The following KLRG2 variants were observed in gnomAD, a reference collection of about 807,000 sequenced individuals.
KLRG2 encodes the protein killer cell lectin like receptor G2, also known as killer cell lectin-like receptor subfamily G member 2.
Under a neutral mutation model 35.4 loss-of-function variants are expected in KLRG2, and 39 were observed. The observed-to-expected ratio is 1.10, with a 90% CI of 0.85 to 1.44. The LOEUF (loss-of-function observed/expected upper bound fraction) is 1.44, where lower values mean the gene tolerates loss of function less well. Among genes scored for constraint, KLRG2 ranks in the 40% most tolerant of loss-of-function variants. The probability of loss-of-function intolerance (pLI) is 0.00; values close to 1 mark genes in which losing one functional copy is unlikely to be tolerated. For synonymous variants in KLRG2, 283 were observed against 265.8 expected, an observed-to-expected ratio of 1.06 and a Z score of -0.63; for missense variants, 632 against 570.9, an observed-to-expected ratio of 1.11 and a Z score of -1.09.
intron 3 of KLRG2, among the ~76,000 whole-genome samples, chr7:139,460,158 T>A (rs1796544536): frequency 6.6e-6 from 1 of 151,266 alleles, no homozygotes; most frequent in East Asian, 2.0e-4. Flanking sequence ...AGTGTTGGGA[T>A]TACAGGCATG....
At chr7:139,462,114 T>C (rs973551165) in intron 3 of KLRG2, among the ~76,000 whole-genome samples, 3 of 152,208 alleles carry the variant, frequency 2.0e-5, no homozygotes, top group African/African-American at 7.2e-5. Flanking sequence ...TTTCCTTTTC[T>C]GGTAGAGACA....
the KLRG2 span, among the ~76,000 whole-genome samples, chr7:139,432,399 G>T: frequency 6.6e-6 from 1 of 152,198 alleles, no homozygotes; most frequent in Non-Finnish European, 1.5e-5. Context: ...GCCTAGTCTC[G>T]CTGTAAACTG....
At chr7:139,452,684 G>C (rs1796393691), downstream of KLRG2, 1 of 152,258 alleles carries the variant, frequency 6.6e-6, no homozygotes, top group African/African-American at 2.4e-5. Flanking sequence ...GGTCTAGCTG[G>C]ACTCAAGGAA....
the KLRG2 span, among the ~76,000 whole-genome samples, chr7:139,429,689 G>T: frequency 2.6e-5 from 4 of 152,160 alleles, no homozygotes; most frequent in African/African-American, 9.6e-5. Flanking sequence ...CAGGGTTGGG[G>T]GTAAGGTCAC....
chr7:139,432,182 C>CTA, the KLRG2 span, among the ~76,000 whole-genome samples: 1 of 151,978 alleles, frequency 6.6e-6, no homozygotes, highest in Admixed American at 6.6e-5. Context: ...AAAGGGAGAT[C>CTA]CTGTCTCTAC....
At chr7:139,441,285 T>C in the KLRG2 span, among the ~76,000 whole-genome samples, 2 of 152,140 alleles carry the variant, frequency 1.3e-5, no homozygotes, top group African/African-American at 4.8e-5. Flanking sequence ...TGGAATACTA[T>C]GTAGCCATAA....
chr7:139,464,371 A>G (rs769808295), intron 3 of KLRG2, among the ~76,000 whole-genome samples: 13 of 152,060 alleles, frequency 8.5e-5, no homozygotes, highest in Non-Finnish European at 1.9e-4. Flanking sequence ...CAATTCCCCC[A>G]TTTTACCTGT....
intron 3 of KLRG2, among the ~76,000 whole-genome samples, chr7:139,460,037 C>A (rs6965509): frequency 0.37 from 55,992 of 151,946 alleles, 13,483 homozygotes; most frequent in African/African-American, 0.69. Context: ...GGTGTGAGCC[C>A]CCGCGCCTGG....
intron 3 of KLRG2, among the ~76,000 whole-genome samples, chr7:139,457,388 A>G (rs1360823620): frequency 6.6e-6 from 1 of 152,168 alleles, no homozygotes; most frequent in Non-Finnish European, 1.5e-5. Context: ...AGATGGAGCC[A>G]GGCTACCCCA....
At chr7:139,482,495 C>T (rs1016069359) in intron 1 of KLRG2, among the ~76,000 whole-genome samples, 1 of 151,940 alleles carries the variant, frequency 6.6e-6, no homozygotes, top group Non-Finnish European at 1.5e-5. Flanking sequence ...CGGGTTCAAG[C>T]GACTCTCCTG....
rs1414393590 is a variant in KLRG2, at chr7:139,483,418, G to A, written c.225C>T (p.Pro75=). Residue 75 remains proline, a synonymous_variant, in exon 1 of 5, where the codon CCC becomes CCT. Coordinates refer to ENST00000340940, the MANE Select transcript of KLRG2 (RefSeq NM_198508.4). ...SSKKKPPSPR[P]GSPRVPPLSL... is the part of the protein sequence containing the mutation. ...TGAGCGGCGGCACGCGCGGGGACCC[G>A]GGGCGAGGCGAAGGCGGCTTTTTCT... 4 of 1,552,842 alleles carry A rather than the reference G, an allele frequency of 2.6e-6. No individual in the cohort carries two copies. The highest frequency in any genetic ancestry group is 3.4e-6 in the Non-Finnish European group (4 of 1,161,520).
the KLRG2 span, among the ~76,000 whole-genome samples, chr7:139,436,869 G>A: frequency 1.3e-5 from 2 of 152,178 alleles, no homozygotes; most frequent in Non-Finnish European, 1.5e-5. Flanking sequence ...TGTTGGCTAC[G>A]ACACTGCCAG....
chr7:139,455,856 C>T (rs1796469851), intron 3 of KLRG2, among the ~76,000 whole-genome samples: 1 of 152,080 alleles, frequency 6.6e-6, no homozygotes, highest in Non-Finnish European at 1.5e-5. Context: ...TAACACGGTG[C>T]TATTTGTGAA....
At chr7:139,428,395 C>T in the KLRG2 span, among the ~76,000 whole-genome samples, 1 of 152,096 alleles carries the variant, frequency 6.6e-6, no homozygotes, top group Non-Finnish European at 1.5e-5. Context: ...ACCCACCACC[C>T]TCCCACTCAG....
the KLRG2 span, among the ~76,000 whole-genome samples, chr7:139,446,206 G>A: frequency 6.6e-6 from 1 of 152,114 alleles, no homozygotes; most frequent in East Asian, 1.9e-4. Context: ...TCAAAACAAT[G>A]CAAAATTTGT....
At chr7:139,466,927 T>C (rs986023783) in intron 3 of KLRG2, among the ~76,000 whole-genome samples, 4 of 152,122 alleles carry the variant, frequency 2.6e-5, no homozygotes, top group African/African-American at 7.2e-5. Context: ...CACTCTCTAA[T>C]TGGATGTCCT....
chr7:139,453,971 C>T (rs1187621356), intron 4 of KLRG2, 140 bp downstream of exon 4: 1 of 687,850 alleles, frequency 1.5e-6, no homozygotes, highest in Non-Finnish European at 2.5e-6. Flanking sequence ...AGGGTCTAAT[C>T]AGGCACCAGG....
the KLRG2 span, among the ~76,000 whole-genome samples, chr7:139,439,406 C>T: frequency 0.043 from 6,608 of 152,138 alleles, 175 homozygotes; most frequent in Middle Eastern, 0.068. Context: ...GGGGGGCTGT[C>T]AAGGGGAAAC....
rs7797161 is a variant in KLRG2, at chr7:139,472,579, C to G, written c.1005+7048G>C. On this transcript the variant is annotated intron_variant, in intron 3 of 4. Transcript: ENST00000340940. ...GGGAAACATAGTAAGACCCCGTGTC[C>G]ATTAAAAAAAAAAAAAGAATGGGAA... Among the ~76,000 whole-genome samples the G allele has an allele frequency of 8.7e-5, 13 of 148,740 alleles. No homozygotes were observed. In the East Asian group the frequency reaches 2.6e-3, roughly 30 times the overall value.
Sources: gnomAD v4.1 joint callset for allele counts (sites outside exome capture counted in the v4.1 genomes callset) on GRCh38, gnomAD v4.1.1 for gene constraint, MANE v1.5 for transcripts, NCBI Gene and HGNC (gene_info 2026-07-23, HGNC 2026-07-21) for gene names.